The following EIF4E variants were observed in gnomAD, a reference collection of about 807,000 sequenced individuals.
The protein encoded by EIF4E is eIF-4F 25 kDa subunit.
For missense variants in EIF4E, 113 were observed against 265.6 expected (o/e 0.43, Z 3.99); for synonymous variants, 71 against 88.5 (o/e 0.80, Z 1.11).
At chr4:98,884,465 G>GGCT (rs2110176314) in intron 6 of EIF4E, among the ~76,000 whole-genome samples, 1 of 152,268 alleles carries the variant, frequency 6.6e-6, no homozygotes, top group African/African-American at 2.4e-5. Context: ...CACTTTGGGA[G>GGCT]GCTGAGGTGG....
intron 2 of EIF4E, among the ~76,000 whole-genome samples, chr4:98,899,522 G>A (rs1314299197): frequency 6.6e-6 from 1 of 152,122 alleles, no homozygotes; most frequent in Non-Finnish European, 1.5e-5. Context: ...CGCAAAGGTT[G>A]TTAAAGGGTA....
intron 5 of EIF4E, 115 bp from the exon 6 acceptor site, chr4:98,885,176 T>C: frequency 8.0e-7 from 1 of 1,255,338 alleles, no homozygotes; most frequent in Non-Finnish European, 1.1e-6. Flanking sequence ...CAAGAGTTAA[T>C]TTTTTAAATG....
intron 6 of EIF4E, among the ~76,000 whole-genome samples, chr4:98,884,498 T>C (rs951727939): frequency 6.6e-6 from 1 of 151,966 alleles, no homozygotes; most frequent in East Asian, 1.9e-4. Context: ...AGACCAAAAG[T>C]TAAAAGACCA....
intron 1 of EIF4E, chr4:98,903,608 G>C (rs1428477972): frequency 2.6e-6 from 1 of 380,852 alleles, no homozygotes; most frequent in Non-Finnish European, 5.1e-6. Context: ...CCTCCCAAGG[G>C]ATATGTTTTT....
chr4:98,889,321 T>C (rs1724053713), intron 3 of EIF4E, among the ~76,000 whole-genome samples: 1 of 152,126 alleles, frequency 6.6e-6, no homozygotes, highest in Non-Finnish European at 1.5e-5. Context: ...CAGCCTCCAC[T>C]AGGCAACAAA....
intron 1 of EIF4E, among the ~76,000 whole-genome samples, chr4:98,917,129 CACACAAAA>C (rs771203033): frequency 0.15 from 9,408 of 60,796 alleles, 464 homozygotes; most frequent in African/African-American, 0.38. Context: ...CACACACACA[CACACAAAA>C]AAAACCCAAA....
chr4:98,903,896 C>T (rs1724752641), intron 1 of EIF4E, among the ~76,000 whole-genome samples: 1 of 152,136 alleles, frequency 6.6e-6, no homozygotes, highest in South Asian at 2.1e-4. Flanking sequence ...AATGACATTT[C>T]CTATCCCACT....
At chr4:98,919,939 G>C (rs531021808) in intron 1 of EIF4E, among the ~76,000 whole-genome samples, 1 of 152,158 alleles carries the variant, frequency 6.6e-6, no homozygotes, top group South Asian at 2.1e-4. Flanking sequence ...ATTAAATAAA[G>C]TTTAAAATTT....
chr4:98,902,367 G>A (rs771576197), intron 1 of EIF4E, among the ~76,000 whole-genome samples: 2 of 152,202 alleles, frequency 1.3e-5, no homozygotes, highest in African/African-American at 2.4e-5. Context: ...ACCACACCCG[G>A]CACTAGTAGT....
intron 1 of EIF4E, among the ~76,000 whole-genome samples, chr4:98,921,378 TA>T (rs35585980): frequency 0.05 from 7,533 of 152,098 alleles, 610 homozygotes; most frequent in African/African-American, 0.17. Flanking sequence ...TTAGTTACAA[TA>T]TTTTTTTCTG....
At chr4:98,889,529 G>A (rs1724064722) in intron 3 of EIF4E, among the ~76,000 whole-genome samples, 1 of 152,102 alleles carries the variant, frequency 6.6e-6, no homozygotes, top group East Asian at 1.9e-4. Context: ...CTAAGACTAT[G>A]CAGTCTGGAT....
At chr4:98,884,774 G>T in intron 6 of EIF4E, 148 bp downstream of exon 6, 1 of 1,012,344 alleles carries the variant, frequency 9.9e-7, no homozygotes, top group Non-Finnish European at 1.5e-6. Flanking sequence ...CACCAATTGA[G>T]CCGTTCAAAA....
At chr4:98,892,163 A>G (rs1045157820) in intron 2 of EIF4E, among the ~76,000 whole-genome samples, 6 of 151,506 alleles carry the variant, frequency 4.0e-5, no homozygotes, top group African/African-American at 9.7e-5. Flanking sequence ...CCTGATCAAC[A>G]TGGAGAAACT....
At chr4:98,901,818 C>G in intron 2 of EIF4E, 58 bp downstream of exon 2, 1 of 1,468,796 alleles carries the variant, frequency 6.8e-7, no homozygotes, top group Non-Finnish European at 9.5e-7. Flanking sequence ...TCAAACTTGC[C>G]CCATTCACAA....
intron 2 of EIF4E, among the ~76,000 whole-genome samples, chr4:98,899,940 TA>T (rs1438744913): frequency 6.6e-6 from 1 of 151,036 alleles, no homozygotes; most frequent in Non-Finnish European, 1.5e-5. Flanking sequence ...ACACAAAAAG[TA>T]GAATTTATAG....
intron 1 of EIF4E, among the ~76,000 whole-genome samples, chr4:98,908,289 T>C (rs995376588): frequency 1.3e-5 from 2 of 152,158 alleles, no homozygotes; most frequent in African/African-American, 4.8e-5. Context: ...TAAATAATTC[T>C]GATACCAACA....
chr4:98,900,156 TGA>T (rs1491521921), intron 2 of EIF4E, among the ~76,000 whole-genome samples: 1 of 151,460 alleles, frequency 6.6e-6, no homozygotes, highest in African/African-American at 2.4e-5. Flanking sequence ...TTCATATCAC[TGA>T]AAAAAATGAA....
At chr4:98,899,773 T>A (rs552653795) in intron 2 of EIF4E, among the ~76,000 whole-genome samples, 1 of 152,296 alleles carries the variant, frequency 6.6e-6, no homozygotes, top group South Asian at 2.1e-4. Flanking sequence ...TTAAAAAGTA[T>A]ACATATGTGC....
intron 6 of EIF4E, among the ~76,000 whole-genome samples, chr4:98,882,396 CAA>C (rs33922454): frequency 1.1e-3 from 91 of 85,180 alleles, no homozygotes; most frequent in East Asian, 1.6e-3. Context: ...GACTCCGTCT[CAA>C]AAAAAAAAAA....
Sources: allele counts gnomAD v4.1 joint callset (sites outside exome capture counted in the v4.1 genomes callset), GRCh38; gene constraint gnomAD v4.1.1; transcripts MANE v1.5; gene names NCBI Gene and HGNC (gene_info 2026-07-23, HGNC 2026-07-21).